The following SGCZ variants were observed in gnomAD, a reference collection of about 807,000 sequenced individuals.
The protein encoded by SGCZ is sarcoglycan zeta.
Under a neutral mutation model 41.3 loss-of-function variants are expected in SGCZ, and 40 were observed. The observed-to-expected ratio is 0.97, with a 90% confidence interval of 0.75 to 1.26. The LOEUF (loss-of-function observed/expected upper bound fraction) is 1.26, where lower values mean the gene tolerates loss of function less well. SGCZ is among the 50% of genes most tolerant of loss of function. The pLI is 0.00. For missense variants in SGCZ, 552 were observed against 369.8 expected (o/e 1.49, Z -4.04); for synonymous variants, 206 against 137.5 (o/e 1.50, Z -3.49).
At chr8:14,105,667 T>C (rs1203915195) in intron 6 of SGCZ, among the ~76,000 whole-genome samples, 2 of 152,122 alleles carry the variant, frequency 1.3e-5, no homozygotes, top group African/African-American at 2.4e-5. Flanking sequence ...AGTCTGCTTT[T>C]AGAACCAGCT....
intron 1 of SGCZ, among the ~76,000 whole-genome samples, chr8:14,763,686 A>G (rs1349288802): frequency 6.6e-6 from 1 of 152,224 alleles, no homozygotes; most frequent in Non-Finnish European, 1.5e-5. Context: ...GGAGGTAGGA[A>G]GAAAACCCAA....
chr8:14,493,502 G>C (rs1318289186), intron 2 of SGCZ, among the ~76,000 whole-genome samples: 1 of 150,042 alleles, frequency 6.7e-6, no homozygotes, highest in Non-Finnish European at 1.5e-5. Context: ...CGAGTAGCTG[G>C]AACTACAGGT....
chr8:14,861,696 C>T (rs1803751830), intron 1 of SGCZ, among the ~76,000 whole-genome samples: 1 of 151,944 alleles, frequency 6.6e-6, no homozygotes, highest in African/African-American at 2.4e-5. Flanking sequence ...CCTGCTTGAA[C>T]AAGTGGTCTT....
At chr8:15,129,933 T>TATAAAC (rs1554462317) in intron 1 of SGCZ, among the ~76,000 whole-genome samples, 1 of 152,078 alleles carries the variant, frequency 6.6e-6, no homozygotes, top group Non-Finnish European at 1.5e-5. Flanking sequence ...CACATATGCA[T>TATAAAC]ATATACATAT....
intron 3 of SGCZ, among the ~76,000 whole-genome samples, chr8:14,301,495 C>G (rs1028116562): frequency 6.6e-6 from 1 of 152,082 alleles, no homozygotes; most frequent in African/African-American, 2.4e-5. Flanking sequence ...TTACACCTTT[C>G]CAAATTTCAC....
intron 3 of SGCZ, among the ~76,000 whole-genome samples, chr8:14,320,575 G>A (rs901188033): frequency 2.0e-5 from 3 of 152,016 alleles, no homozygotes; most frequent in Non-Finnish European, 2.9e-5. Flanking sequence ...GAACACACAA[G>A]GTGCAGAACT....
At chr8:14,765,292 T>C (rs1304412184) in intron 1 of SGCZ, among the ~76,000 whole-genome samples, 1 of 152,194 alleles carries the variant, frequency 6.6e-6, no homozygotes, top group African/African-American at 2.4e-5. Context: ...ATGATAGAAC[T>C]ACAAAACAAA....
rs923452550 is a variant in SGCZ at position 14,175,404 on chromosome 8, A to C, written c.425-10702T>G. On this transcript the variant is annotated intron_variant, in intron 4 of 7. Coordinates refer to ENST00000382080, the MANE Select transcript of SGCZ (RefSeq NM_139167.4). ...TAGATGTAAGAAGTACTGAATATAA[A>C]AAGCAATAATAATGTCGTAGTTTGA... Among the ~76,000 whole-genome samples the C allele has an allele frequency of 2.6e-5, 4 of 152,138 alleles. No homozygotes were observed. In the South Asian group the frequency reaches 8.3e-4, roughly 31 times the overall value.
intron 4 of SGCZ, among the ~76,000 whole-genome samples, chr8:14,222,153 T>C (rs1021976915): frequency 1.3e-5 from 2 of 152,056 alleles, no homozygotes; most frequent in African/African-American, 2.4e-5. Context: ...GTTTTTGTTG[T>C]TGTTGTTGCT....
intron 1 of SGCZ, among the ~76,000 whole-genome samples, chr8:14,624,249 C>G (rs999759575): frequency 1.5e-4 from 23 of 151,996 alleles, no homozygotes; most frequent in African/African-American, 5.3e-4. Flanking sequence ...ACTGAAGGTC[C>G]CTCTCTGTTG....
chr8:14,572,506 A>G (rs1804585058), intron 1 of SGCZ, among the ~76,000 whole-genome samples: 1 of 151,980 alleles, frequency 6.6e-6, no homozygotes, highest in African/African-American at 2.4e-5. Flanking sequence ...CAGAGAGGGA[A>G]GTTTATTATT....
At position 15,026,873 on chromosome 8, in the gene SGCZ, G is replaced by C. The variant is rs114566173; in HGVS notation, c.39+210712C>G. Among the ~76,000 whole-genome samples, 515 of 152,282 alleles carry C rather than the reference G, an allele frequency of 3.4e-3. 7 individuals are homozygous for C. The highest frequency in any genetic ancestry group is 9.9e-3 in the African/African-American group (413 of 41,576). Reference sequence around the variant, plus strand: ...TCTTTTTGAGGAGACAGATGAGGTAGAATATTGAAGCGCTAACAGCATAAG... The same window carrying C: ...TCTTTTTGAGGAGACAGATGAGGTACAATATTGAAGCGCTAACAGCATAAG... On this transcript the variant is annotated intron_variant, in intron 1 of 7. Coordinates refer to ENST00000382080, the MANE Select transcript of SGCZ (RefSeq NM_139167.4).
At chr8:14,376,524 T>C (rs922980203) in intron 2 of SGCZ, among the ~76,000 whole-genome samples, 7 of 152,088 alleles carry the variant, frequency 4.6e-5, no homozygotes, top group Non-Finnish European at 8.8e-5. Context: ...GATGAACTTA[T>C]ACAGAAGAAA....
chr8:14,513,720 C>G (rs900536355), intron 2 of SGCZ, among the ~76,000 whole-genome samples: 1 of 151,974 alleles, frequency 6.6e-6, no homozygotes, highest in African/African-American at 2.4e-5. Context: ...TCAGAAAACT[C>G]CCCTTCAGAA....
chr8:14,886,480 A>G (rs1419060423), intron 1 of SGCZ, among the ~76,000 whole-genome samples: 1 of 152,060 alleles, frequency 6.6e-6, no homozygotes, highest in African/African-American at 2.4e-5. Flanking sequence ...AGAAGGCTTC[A>G]CTCAGGAGAT....
intron 5 of SGCZ, among the ~76,000 whole-genome samples, chr8:14,119,905 A>T (rs544387512): frequency 6.6e-6 from 1 of 152,262 alleles, no homozygotes; most frequent in African/African-American, 2.4e-5. Context: ...CATCCCAGGG[A>T]TGAAGCCCAC....
At chr8:15,227,613 T>C (rs1323936473) in intron 1 of SGCZ, among the ~76,000 whole-genome samples, 3 of 152,234 alleles carry the variant, frequency 2.0e-5, no homozygotes, top group Admixed American at 2.0e-4. Context: ...TAAACTGCTG[T>C]TAACATTCTC....
intron 1 of SGCZ, among the ~76,000 whole-genome samples, chr8:14,704,342 T>A (rs1809261516): frequency 6.6e-6 from 1 of 152,062 alleles, no homozygotes; most frequent in African/African-American, 2.4e-5. Flanking sequence ...TGTAATCATT[T>A]TTTTGAAATT....
chr8:14,916,384 A>C (rs1206607958), intron 1 of SGCZ, among the ~76,000 whole-genome samples: 1 of 152,194 alleles, frequency 6.6e-6, no homozygotes, highest in Non-Finnish European at 1.5e-5. Context: ...AATATTTACC[A>C]CATATAGACA....
Sources: allele counts gnomAD v4.1 joint callset (sites outside exome capture counted in the v4.1 genomes callset), GRCh38; gene constraint gnomAD v4.1.1; transcripts MANE v1.5; gene names NCBI Gene and HGNC (gene_info 2026-07-23, HGNC 2026-07-21).